The following ILRUN variants were observed in gnomAD, a reference collection of about 807,000 sequenced individuals.
The protein encoded by ILRUN is protein ILRUN.
In ILRUN, 3 loss-of-function variants were observed where a neutral mutation model predicts 33.8. That is an observed-to-expected ratio of 0.09 (90% CI 0.04 to 0.23). The LOEUF (loss-of-function observed/expected upper bound fraction) is 0.23, where lower values mean the gene tolerates loss of function less well. Among genes scored for constraint, ILRUN ranks in the 10% least tolerant of loss-of-function variants. ILRUN has a pLI of 1.00. For missense variants in ILRUN, 210 were observed against 375.1 expected (o/e 0.56, Z 3.64); for synonymous variants, 124 against 138.9 (o/e 0.89, Z 0.75).
intron 2 of ILRUN, 31 bp downstream of exon 2, chr6:34,654,594 G>C (rs1431369967): frequency 6.3e-7 from 1 of 1,576,022 alleles, no homozygotes; most frequent in South Asian, 1.2e-5. Context: ...ATGAAAACTA[G>C]GCAAGGGAGG....
At chr6:34,662,785 C>A (rs73413811) in intron 1 of ILRUN, among the ~76,000 whole-genome samples, 33 of 152,228 alleles carry the variant, frequency 2.2e-4, no homozygotes, top group African/African-American at 7.9e-4. Context: ...ACTTAAAAAT[C>A]GGTAAGATGG....
At chr6:34,630,792 C>G (rs536184298) in intron 3 of ILRUN, among the ~76,000 whole-genome samples, 3 of 150,962 alleles carry the variant, frequency 2.0e-5, no homozygotes, top group African/African-American at 7.4e-5. Flanking sequence ...TGGGACTACA[C>G]GCACACATCA....
chr6:34,624,760 T>C (rs1278550386), intron 3 of ILRUN, among the ~76,000 whole-genome samples: 1 of 152,192 alleles, frequency 6.6e-6, no homozygotes, highest in Non-Finnish European at 1.5e-5. Context: ...AAGAACAAAA[T>C]AAGATATACG....
chr6:34,680,228 TATTAA>T (rs1472086900), intron 1 of ILRUN, among the ~76,000 whole-genome samples: 1 of 152,242 alleles, frequency 6.6e-6, no homozygotes, highest in Non-Finnish European at 1.5e-5. Context: ...AGAATTATTG[TATTAA>T]ATTATACATT....
At chr6:34,683,405 T>A (rs1763417021) in intron 1 of ILRUN, among the ~76,000 whole-genome samples, 1 of 110,694 alleles carries the variant, frequency 9.0e-6, no homozygotes, top group East Asian at 2.3e-4. Flanking sequence ...TGCACATATA[T>A]ACATATATAT....
At chr6:34,665,714 C>A (rs1762981245) in intron 1 of ILRUN, among the ~76,000 whole-genome samples, 1 of 152,056 alleles carries the variant, frequency 6.6e-6, no homozygotes, top group Non-Finnish European at 1.5e-5. Flanking sequence ...CAAGTATGAG[C>A]CACCACGCCC....
chr6:34,641,177 G>A (rs1398688218), intron 3 of ILRUN, among the ~76,000 whole-genome samples: 1 of 151,954 alleles, frequency 6.6e-6, no homozygotes, highest in Non-Finnish European at 1.5e-5. Context: ...GAAAGATGAG[G>A]TCCAGAGAAG....
intron 4 of ILRUN, among the ~76,000 whole-genome samples, chr6:34,600,387 T>G (rs1301934943): frequency 6.6e-6 from 1 of 152,176 alleles, no homozygotes. Context: ...ATATTCTTTC[T>G]CCAGATAGGC....
chr6:34,608,681 C>T (rs938849125), intron 3 of ILRUN, among the ~76,000 whole-genome samples: 6 of 151,706 alleles, frequency 4.0e-5, no homozygotes, highest in African/African-American at 1.5e-4. Flanking sequence ...TATGGGACCA[C>T]CATCACTGAC....
chr6:34,652,927 GGGAGGATCGTGTGA>G (rs1762697529), intron 2 of ILRUN, among the ~76,000 whole-genome samples: 1 of 151,956 alleles, frequency 6.6e-6, no homozygotes, highest in Non-Finnish European at 1.5e-5. Flanking sequence ...ATGCCAAGGT[GGGAGGATCGTGTGA>G]GCCCAGCCCG....
At position 34,594,048 on chromosome 6, in the gene ILRUN, G is replaced by A. The variant is rs117425893; in HGVS notation, c.862-3448C>T. 2.5e-4 allele frequency among the ~76,000 whole-genome samples: 38 copies of A among 152,236 alleles called. No individual in the cohort carries two copies. In the East Asian group the frequency reaches 5.8e-3, roughly 23 times the overall value. ...GGTGTAACAGGTTCTGGTAGCCAACGACAATCCCAGCCTAAAAGTAGGATT... is the reference window on the plus strand; with the variant it reads ...GGTGTAACAGGTTCTGGTAGCCAACAACAATCCCAGCCTAAAAGTAGGATT... On this transcript the variant is annotated intron_variant, in intron 4 of 4. Transcript: ENST00000374023.
At position 34,654,608 on chromosome 6, in the gene ILRUN, G is replaced by A. The variant is rs573702715; in HGVS notation, c.313+17C>T. 3 of 1,589,444 alleles carry A rather than the reference G, an allele frequency of 1.9e-6. No individual in the cohort carries two copies. The highest frequency in any genetic ancestry group is 2.7e-5 in the African/African-American group (2 of 73,676). ...AATGAAAACTAGGCAAGGGAGGATTGCCCATTATGTACTTACCAGAATTCT... is the reference window on the plus strand; with the variant it reads ...AATGAAAACTAGGCAAGGGAGGATTACCCATTATGTACTTACCAGAATTCT... On this transcript the variant is annotated intron_variant, in intron 2 of 4. Transcript: ENST00000374023.
intron 1 of ILRUN, among the ~76,000 whole-genome samples, chr6:34,695,008 G>A (rs1039742562): frequency 2.8e-4 from 39 of 140,482 alleles, no homozygotes; most frequent in African/African-American, 8.2e-4. Context: ...CCGAGGTTGC[G>A]TCACTGCACT....
At chr6:34,690,968 T>C (rs1351210899) in intron 1 of ILRUN, among the ~76,000 whole-genome samples, 5 of 152,234 alleles carry the variant, frequency 3.3e-5, no homozygotes, top group South Asian at 2.1e-4. Context: ...CACTGCAAGC[T>C]CCGCCTCCTG....
At chr6:34,599,981 C>T (rs1451445357) in intron 4 of ILRUN, among the ~76,000 whole-genome samples, 1 of 152,216 alleles carries the variant, frequency 6.6e-6, no homozygotes, top group Non-Finnish European at 1.5e-5. Context: ...TAGATCCGGA[C>T]ATGGACCACT....
intron 3 of ILRUN, among the ~76,000 whole-genome samples, chr6:34,639,077 G>A (rs1266039347): frequency 6.6e-6 from 1 of 152,192 alleles, no homozygotes; most frequent in Non-Finnish European, 1.5e-5. Flanking sequence ...ATAAAATGGA[G>A]AAAGTAAAGG....
intron 1 of ILRUN, among the ~76,000 whole-genome samples, chr6:34,678,418 T>C (rs563008947): frequency 6.6e-6 from 1 of 152,260 alleles, no homozygotes; most frequent in South Asian, 2.1e-4. Context: ...CATGGGTAAA[T>C]TGCATGTCAC....
At chr6:34,655,371 G>A (rs773049499) in intron 1 of ILRUN, among the ~76,000 whole-genome samples, 1 of 152,142 alleles carries the variant, frequency 6.6e-6, no homozygotes, top group Non-Finnish European at 1.5e-5. Flanking sequence ...AGATATAACT[G>A]TTCATATTAC....
intron 3 of ILRUN, among the ~76,000 whole-genome samples, chr6:34,612,371 T>C (rs1761774414): frequency 6.6e-6 from 1 of 152,080 alleles, no homozygotes; most frequent in Non-Finnish European, 1.5e-5. Context: ...GTCGAGGTTG[T>C]ACCACTGTGC....
Sources: gnomAD v4.1 joint callset for allele counts (sites outside exome capture counted in the v4.1 genomes callset) on GRCh38, gnomAD v4.1.1 for gene constraint, MANE v1.5 for transcripts, NCBI Gene and HGNC (gene_info 2026-07-23, HGNC 2026-07-21) for gene names.